Variants in SFMBT2 observed in about 807,000 individuals in gnomAD.
The protein encoded by SFMBT2 is scm-like with four MBT domains protein 2.
A neutral mutation model predicts 110.1 loss-of-function variants in SFMBT2; 38 were observed. The ratio of observed to expected loss-of-function variants is 0.35; its 90% CI spans 0.27 to 0.45. The LOEUF is 0.45. Among genes scored for constraint, SFMBT2 ranks in the 20% least tolerant of loss-of-function variants. SFMBT2 has a pLI of 1.00. For synonymous variants in SFMBT2, 425 were observed against 425.4 expected (o/e 1.00, Z 0.01); for missense variants, 1,011 against 1,094.9 (o/e 0.92, Z 1.08).
At chr10:7,266,543 G>A (rs1287294348) in intron 7 of SFMBT2, among the ~76,000 whole-genome samples, 1 of 152,180 alleles carries the variant, frequency 6.6e-6, no homozygotes, top group African/African-American at 2.4e-5. Flanking sequence ...GCTGGAGGGG[G>A]CACGGCAGGT....
At chr10:7,321,350 C>T (rs934576516) in intron 4 of SFMBT2, among the ~76,000 whole-genome samples, 7 of 152,026 alleles carry the variant, frequency 4.6e-5, no homozygotes, top group African/African-American at 1.2e-4. Context: ...TACAGGCGCC[C>T]GCCAACACGC....
At chr10:7,218,844 A>AC in intron 11 of SFMBT2, among the ~76,000 whole-genome samples, 1 of 152,198 alleles carries the variant, frequency 6.6e-6, no homozygotes, top group Admixed American at 6.5e-5. Context: ...ATGGAATTGA[A>AC]CCCCAGGCAG....
At chr10:7,216,186 G>A (rs754600412) in intron 11 of SFMBT2, among the ~76,000 whole-genome samples, 7 of 152,174 alleles carry the variant, frequency 4.6e-5, no homozygotes, top group Non-Finnish European at 8.8e-5. Flanking sequence ...AGCCGACCCC[G>A]CTCCCATCGC....
intron 2 of SFMBT2, among the ~76,000 whole-genome samples, chr10:7,377,959 G>C (rs1220526872): frequency 1.1e-5 from 1 of 92,548 alleles, no homozygotes; most frequent in Non-Finnish European, 2.5e-5. Context: ...AAAATTTTGT[G>C]TGGGGGGGGG....
At chr10:7,304,530 G>A (rs1842640923) in intron 4 of SFMBT2, among the ~76,000 whole-genome samples, 1 of 152,110 alleles carries the variant, frequency 6.6e-6, no homozygotes, top group Non-Finnish European at 1.5e-5. Context: ...TAACAAACGG[G>A]TTATGTTCCA....
At chr10:7,269,715 C>T (rs943460) in intron 7 of SFMBT2, among the ~76,000 whole-genome samples, 23 of 38,458 alleles carry the variant, frequency 6.0e-4, no homozygotes, top group Non-Finnish European at 1.2e-3. Context: ...TAAGTGTGTG[C>T]GTGTGTGTGT....
At chr10:7,381,739 T>C in intron 2 of SFMBT2, 60 bp downstream of exon 2, 3 of 1,557,790 alleles carry the variant, frequency 1.9e-6, no homozygotes, top group Non-Finnish European at 1.8e-6. Context: ...CTGAATACTT[T>C]CAGGAAGATA....
In SFMBT2 at chr10:7,279,661, G is replaced by A. The variant is rs114308927; in HGVS notation, c.773-2672C>T. ...GCCAGTTTCTGTTTCTGGGAAGGTC[G>A]TGAGCAATTAAAACATGTCCCGATT... is the stretch of plus-strand genomic sequence containing the variant. On this transcript the variant is annotated intron_variant, in intron 6 of 20. Transcript: ENST00000397167. Among the ~76,000 whole-genome samples, 928 of 152,286 alleles carry A rather than the reference G, an allele frequency of 6.1e-3. 15 individuals carry two copies. The highest frequency in any genetic ancestry group is 0.021 in the African/African-American group (862 of 41,540).
intron 4 of SFMBT2, among the ~76,000 whole-genome samples, chr10:7,360,466 C>CA (rs1297893116): frequency 6.7e-6 from 1 of 149,332 alleles, no homozygotes; most frequent in Non-Finnish European, 1.5e-5. Context: ...GACCCTGTCT[C>CA]AAAAAAATAA....
chr10:7,162,626 A>G lies in SFMBT2; in HGVS notation c.*1144T>C, dbSNP rs1171640049. ...AGCTGGTTGATGAAATGCTTCCCTC[A>G]CATCTCTTTCCCTTCCTCCTCTCTG... On this transcript the variant is annotated 3_prime_UTR_variant, in exon 21 of 21. Coordinates refer to ENST00000397167, the MANE Select transcript of SFMBT2 (RefSeq NM_001387889.1). The G allele has an allele frequency of 6.6e-6, 1 of 152,106 alleles. No individual in the cohort carries two copies. Among genetic ancestry groups the G allele is most frequent in the African/African-American group, 2.4e-5 (1 of 41,378 alleles). 9.4% of individuals were successfully genotyped at this position (152,106 alleles called of 1,614,324 possible).
At position 7,268,414 on chromosome 10, in the gene SFMBT2, G is replaced by A. The variant is rs74115408; in HGVS notation, c.870+8478C>T. Reference sequence around the variant, plus strand: ...GCTTTTATGGAAACTGGGGCGTTTTGCTTGAGTGGACATTGGGATATGTCA... The same window carrying A: ...GCTTTTATGGAAACTGGGGCGTTTTACTTGAGTGGACATTGGGATATGTCA... On this transcript the variant is annotated intron_variant, in intron 7 of 20. Coordinates refer to ENST00000397167, the MANE Select transcript of SFMBT2 (RefSeq NM_001387889.1). 4.9e-3 allele frequency among the ~76,000 whole-genome samples: 741 copies of A among 152,256 alleles called. 4 individuals carry two copies. Among genetic ancestry groups the A allele is most frequent in the African/African-American group, 0.017 (710 of 41,542 alleles).
intron 20 of SFMBT2, chr10:7,164,167 G>C (rs1238905192): frequency 1.4e-5 from 13 of 953,552 alleles, no homozygotes; most frequent in Non-Finnish European, 1.6e-5. Context: ...CTGGAGGATC[G>C]CTTGAGACCA....
At chr10:7,253,481 G>GA (rs1840882428) in intron 7 of SFMBT2, among the ~76,000 whole-genome samples, 2 of 152,136 alleles carry the variant, frequency 1.3e-5, no homozygotes, top group South Asian at 4.1e-4. Flanking sequence ...GGTTGGTGTG[G>GA]AAAAAACCCA....
intron 4 of SFMBT2, among the ~76,000 whole-genome samples, chr10:7,302,980 C>T (rs555922573): frequency 6.7e-6 from 1 of 149,238 alleles, no homozygotes; most frequent in African/African-American, 2.5e-5. Context: ...TAAAACATTT[C>T]AATAAAAACT....
Position 7,329,379 on chromosome 10 carries a change from C to A in SFMBT2, c.436+38270G>T, listed in dbSNP as rs1034549709. On this transcript the variant is annotated intron_variant, in intron 4 of 20. Coordinates refer to ENST00000397167, the MANE Select transcript of SFMBT2 (RefSeq NM_001387889.1). ...ACGAGCCGAGCTTAGGTACTGGCGTCCAGTCCTCAGCAGCCATCAGCGCAG... is the reference window on the plus strand; with the variant it reads ...ACGAGCCGAGCTTAGGTACTGGCGTACAGTCCTCAGCAGCCATCAGCGCAG... The A allele has an allele frequency of 5.3e-5, 51 of 955,360 alleles. No homozygotes were observed. In the African/African-American group the frequency reaches 8.5e-4, roughly 16 times the overall value. The allele number at this position is 955,360 out of a possible 1,614,324, so 59.2% of individuals were successfully genotyped here. A position where few individuals can be genotyped will look rare whatever the true frequency, so the allele number is the denominator to read the frequency against.
At chr10:7,277,236 T>C (rs1275785311) in intron 6 of SFMBT2, 1 of 153,092 alleles carries the variant, frequency 6.5e-6, no homozygotes, top group African/African-American at 2.4e-5. Context: ...AGGGAACATT[T>C]GTATGCATTT....
intron 7 of SFMBT2, among the ~76,000 whole-genome samples, chr10:7,259,515 G>T (rs1046336960): frequency 2.6e-5 from 4 of 152,198 alleles, no homozygotes; most frequent in African/African-American, 9.7e-5. Flanking sequence ...GCATCTCTGG[G>T]GTCTATCCAC....
chr10:7,284,465 T>C, intron 5 of SFMBT2: 1 of 1,077,494 alleles, frequency 9.3e-7, no homozygotes, highest in Non-Finnish European at 1.1e-6. Context: ...ACAATCAGTA[T>C]GCTTTTAAGA....
rs1051172565 is a variant in SFMBT2 at position 7,160,830 on chromosome 10, C to T, written c.*2940G>A. On this transcript the variant is annotated 3_prime_UTR_variant, in exon 21 of 21. Coordinates refer to ENST00000397167, the MANE Select transcript of SFMBT2 (RefSeq NM_001387889.1). ...AACTGCTGCTGATGTGAAGTCCATC[C>T]ACCACGACGGAAATCCCCGGAGAAT... 6.6e-5 allele frequency: 10 copies of T among 152,244 alleles called. No homozygotes were observed. The highest frequency in any genetic ancestry group is 2.2e-4 in the African/African-American group (9 of 41,436). The allele number at this position is 152,244 out of a possible 1,614,324, so 9.4% of individuals were successfully genotyped here.
Sources: gnomAD v4.1 joint callset for allele counts (sites outside exome capture counted in the v4.1 genomes callset) on GRCh38, gnomAD v4.1.1 for gene constraint, MANE v1.5 for transcripts, NCBI Gene and HGNC (gene_info 2026-07-23, HGNC 2026-07-21) for gene names.